Variants in SCFD2 observed in about 807,000 individuals in gnomAD.
SCFD2 encodes sec1 family domain-containing protein 2.
Under a neutral mutation model 58.9 loss-of-function variants are expected in SCFD2, and 54 were observed. That is an observed-to-expected ratio of 0.92 (90% CI 0.74 to 1.15). The LOEUF (loss-of-function observed/expected upper bound fraction) is 1.15. SCFD2 is among the 50% of genes most tolerant of loss of function. The pLI is 0.00. For synonymous variants in SCFD2, 321 were observed against 335.9 expected, an observed-to-expected ratio of 0.96 and a Z score of 0.49; for missense variants, 805 against 836.6, an observed-to-expected ratio of 0.96 and a Z score of 0.47.
intron 5 of SCFD2, among the ~76,000 whole-genome samples, chr4:53,118,645 A>G (rs1419854206): frequency 6.6e-6 from 1 of 152,160 alleles, no homozygotes; most frequent in Non-Finnish European, 1.5e-5. Context: ...CAGTGATCCC[A>G]CCCACCACCC....
At chr4:53,206,123 T>C (rs1282216016) in intron 4 of SCFD2, among the ~76,000 whole-genome samples, 2 of 152,148 alleles carry the variant, frequency 1.3e-5, no homozygotes, top group Non-Finnish European at 2.9e-5. Flanking sequence ...GTTAGCTTTT[T>C]AGTCCACAAA....
intron 5 of SCFD2, among the ~76,000 whole-genome samples, chr4:53,074,661 T>C (rs1196225127): frequency 1.3e-5 from 2 of 152,194 alleles, no homozygotes; most frequent in Non-Finnish European, 2.9e-5. Context: ...TTCATCTCCT[T>C]GTACATCTCT....
chr4:53,044,100 C>G (rs1722966484), intron 5 of SCFD2, among the ~76,000 whole-genome samples: 1 of 152,154 alleles, frequency 6.6e-6, no homozygotes, highest in South Asian at 2.1e-4. Context: ...CCACAGTCCT[C>G]CTGGTCAGTA....
intron 8 of SCFD2, among the ~76,000 whole-genome samples, chr4:52,883,132 C>T (rs548435392): frequency 6.8e-4 from 103 of 152,306 alleles, no homozygotes; most frequent in African/African-American, 2.5e-3. Flanking sequence ...ATGGAACTAG[C>T]ACGCATCCCA....
chr4:53,185,150 T>C (rs1471231317), intron 4 of SCFD2, among the ~76,000 whole-genome samples: 5 of 151,944 alleles, frequency 3.3e-5, no homozygotes. Flanking sequence ...ATATAGAGAG[T>C]AACAAAATTC....
At chr4:53,176,963 A>C (rs1727356799) in intron 4 of SCFD2, among the ~76,000 whole-genome samples, 1 of 142,376 alleles carries the variant, frequency 7.0e-6, no homozygotes. Flanking sequence ...AAAAAAAAAA[A>C]AGAAAGAAAA....
At chr4:53,279,955 G>A (rs1432327706) in intron 3 of SCFD2, among the ~76,000 whole-genome samples, 1 of 152,172 alleles carries the variant, frequency 6.6e-6, no homozygotes, top group African/African-American at 2.4e-5. Flanking sequence ...GTCTCTCCCT[G>A]GGGATTATGG....
At chr4:53,302,470 A>T (rs1486056937) in intron 3 of SCFD2, among the ~76,000 whole-genome samples, 3 of 152,190 alleles carry the variant, frequency 2.0e-5, no homozygotes, top group African/African-American at 4.8e-5. Context: ...CAAATGGAAG[A>T]ACATTCCATG....
At chr4:53,296,000 G>A (rs144338411) in intron 3 of SCFD2, among the ~76,000 whole-genome samples, 2,752 of 152,276 alleles carry the variant, frequency 0.018, 84 homozygotes, top group African/African-American at 0.064. Context: ...CTTGATCATG[G>A]TGGATAAGCT....
chr4:53,265,138 A>G (rs939958461), intron 4 of SCFD2, among the ~76,000 whole-genome samples: 1 of 152,212 alleles, frequency 6.6e-6, no homozygotes, highest in Non-Finnish European at 1.5e-5. Flanking sequence ...AATAAGTTAT[A>G]GTCAAAATAA....
intron 5 of SCFD2, among the ~76,000 whole-genome samples, chr4:53,056,121 C>G (rs1036654996): frequency 6.9e-6 from 1 of 145,550 alleles, no homozygotes; most frequent in Non-Finnish European, 1.5e-5. Flanking sequence ...GACTTTGTAA[C>G]GTAGCTTTTT....
intron 5 of SCFD2, among the ~76,000 whole-genome samples, chr4:52,947,254 G>A (rs772202035): frequency 3.3e-5 from 5 of 152,124 alleles, no homozygotes; most frequent in African/African-American, 4.8e-5. Flanking sequence ...TTCCATTCAC[G>A]GGGAAACTGA....
At chr4:53,285,933 C>T (rs1731650560) in intron 3 of SCFD2, among the ~76,000 whole-genome samples, 1 of 152,130 alleles carries the variant, frequency 6.6e-6, no homozygotes, top group Non-Finnish European at 1.5e-5. Flanking sequence ...TGTCCCACCA[C>T]CCACCACCTC....
intron 7 of SCFD2, among the ~76,000 whole-genome samples, chr4:52,887,240 G>A (rs113209841): frequency 1.6e-3 from 251 of 152,254 alleles, no homozygotes; most frequent in African/African-American, 5.7e-3. Flanking sequence ...GTACAGTACC[G>A]ACTTACAGCC....
At chr4:53,109,541 G>A (rs1725106687) in intron 5 of SCFD2, among the ~76,000 whole-genome samples, 1 of 152,104 alleles carries the variant, frequency 6.6e-6, no homozygotes, top group South Asian at 2.1e-4. Flanking sequence ...AAAAATCAAT[G>A]TGCAAAAATC....
intron 5 of SCFD2, among the ~76,000 whole-genome samples, chr4:53,118,680 T>C (rs1382140490): frequency 6.6e-6 from 1 of 152,144 alleles, no homozygotes; most frequent in Non-Finnish European, 1.5e-5. Context: ...AAATGACTTC[T>C]GATTTACAAA....
intron 5 of SCFD2, among the ~76,000 whole-genome samples, chr4:52,999,355 A>G (rs1034777428): frequency 3.9e-5 from 6 of 152,220 alleles, no homozygotes; most frequent in Non-Finnish European, 8.8e-5. Context: ...ATTCCATTTA[A>G]TAACTCTCAT....
At chr4:53,218,151 G>T (rs1257584832) in intron 4 of SCFD2, among the ~76,000 whole-genome samples, 1 of 152,084 alleles carries the variant, frequency 6.6e-6, no homozygotes, top group Non-Finnish European at 1.5e-5. Flanking sequence ...GAGTATCTTT[G>T]TGTCATTCTC....
At chr4:53,263,548 A>G (rs1730891294) in intron 4 of SCFD2, among the ~76,000 whole-genome samples, 1 of 152,164 alleles carries the variant, frequency 6.6e-6, no homozygotes, top group African/African-American at 2.4e-5. Flanking sequence ...GTGGAGCTAC[A>G]AGGTTTCAGG....
Sources: allele counts gnomAD v4.1 joint callset (sites outside exome capture counted in the v4.1 genomes callset), GRCh38; gene constraint gnomAD v4.1.1; transcripts MANE v1.5; gene names NCBI Gene and HGNC (gene_info 2026-07-23, HGNC 2026-07-21).